DCT: variants seen among roughly 807,000 people sequenced by gnomAD.
DCT encodes the protein dopachrome tautomerase, also known as L-dopachrome tautomerase.
DCT carries 47 observed loss-of-function variants against 53.0 expected under a neutral mutation model. That is an observed-to-expected ratio of 0.89 (90% CI 0.70 to 1.13). The LOEUF (loss-of-function observed/expected upper bound fraction) is 1.13, where lower values mean the gene tolerates loss of function less well. DCT is among the 50% of genes most tolerant of loss of function. DCT has a pLI of 0.00. For synonymous variants in DCT, 244 were observed against 237.0 expected, an observed-to-expected ratio of 1.03 and a Z score of -0.27; for missense variants, 669 against 637.4, an observed-to-expected ratio of 1.05 and a Z score of -0.53.
chr13:94,440,029 T>C lies in DCT; in HGVS notation c.1429A>G (p.Met477Val), dbSNP rs757604536. ...PGWPTTLLVVMGTLVALVGLF... is the reference protein window; with the variant it reads ...PGWPTTLLVVVGTLVALVGLF... ...CCAACCAAAGCCACCAGTGTTCCCA[T>C]GACTACTAAGAGAGTTGTGGGCCAA... is the stretch of plus-strand genomic sequence containing the variant. The change falls in exon 8 of 8, where the codon ATG becomes GTG. Residue 477 changes from methionine to valine, a missense_variant. Coordinates refer to ENST00000377028, the MANE Select transcript of DCT (RefSeq NM_001922.5). 6.2e-7 allele frequency: 1 copy of C among 1,614,074 alleles called. No individual in the cohort carries two copies. The highest frequency in any genetic ancestry group is 1.1e-5 in the South Asian group (1 of 91,080).
intron 3 of DCT, 94 bp downstream of exon 3, chr13:94,466,464 A>G: frequency 1.4e-6 from 1 of 690,686 alleles, no homozygotes; most frequent in Non-Finnish European, 2.4e-6. Context: ...ATGAGTATCA[A>G]GATAAGTATA....
chr13:94,463,271 G>C (rs887072134), intron 4 of DCT, among the ~76,000 whole-genome samples: 2 of 151,320 alleles, frequency 1.3e-5, no homozygotes, highest in Non-Finnish European at 2.9e-5. Context: ...CCAGTAGCTG[G>C]GACTACTGGC....
chr13:94,522,242 A>T, the DCT span, among the ~76,000 whole-genome samples: 1 of 152,178 alleles, frequency 6.6e-6, no homozygotes, highest in Non-Finnish European at 1.5e-5. Context: ...CCCACCCTTA[A>T]TCTGAGTGGG....
the DCT span, among the ~76,000 whole-genome samples, chr13:94,488,825 T>C: frequency 9.6e-5 from 13 of 134,922 alleles, no homozygotes; most frequent in African/African-American, 2.3e-4. Context: ...ACACACCATA[T>C]ATATACATAC....
chr13:94,461,210 T>C (rs998342679), intron 5 of DCT, among the ~76,000 whole-genome samples: 1 of 152,222 alleles, frequency 6.6e-6, no homozygotes, highest in Non-Finnish European at 1.5e-5. Context: ...ACTGGCATCA[T>C]TTGGGATTTG....
the DCT span, among the ~76,000 whole-genome samples, chr13:94,537,142 T>C: frequency 1.3e-5 from 2 of 152,220 alleles, no homozygotes; most frequent in African/African-American, 4.8e-5. Flanking sequence ...GAATTGGTAA[T>C]TGGCGGATCA....
chr13:94,545,049 T>C, the DCT span, among the ~76,000 whole-genome samples: 1 of 152,268 alleles, frequency 6.6e-6, no homozygotes, highest in South Asian at 2.1e-4. Flanking sequence ...TCACCCTTCA[T>C]AGCCTCCTAA....
intron 1 of DCT, among the ~76,000 whole-genome samples, chr13:94,476,024 G>A (rs1367529895): frequency 2.6e-5 from 4 of 152,136 alleles, no homozygotes; most frequent in African/African-American, 4.8e-5. Context: ...GGGCCAGGCC[G>A]GGCCTTGACA....
chr13:94,465,219 T>C (rs1398143608), intron 4 of DCT, among the ~76,000 whole-genome samples: 1 of 152,246 alleles, frequency 6.6e-6, no homozygotes, highest in African/African-American at 2.4e-5. Context: ...CATTCATCTT[T>C]GTATTCCCGG....
In DCT at chr13:94,445,694, T is replaced by C. The variant is rs1304993805; in HGVS notation, c.1180-2057A>G. The stretch of plus-strand genomic sequence containing the variant: ...ACACAACAAAGGAAAAAAACCTGAG[T>C]AGAGCCTCCCAGGCTCATGGTTACC... On this transcript the variant is annotated intron_variant, in intron 6 of 7. Coordinates refer to ENST00000377028, the MANE Select transcript of DCT (RefSeq NM_001922.5). 1.6e-5 allele frequency: 24 copies of C among 1,528,754 alleles called. No individual in the cohort carries two copies. In the Admixed American group the frequency reaches 4.2e-4, roughly 27 times the overall value. The allele number at this position is 1,528,754 out of a possible 1,614,324, so 94.7% of individuals were successfully genotyped here. A position where few individuals can be genotyped will look rare whatever the true frequency, so the allele number is the denominator to read the frequency against.
the DCT span, among the ~76,000 whole-genome samples, chr13:94,532,619 C>T: frequency 3.9e-5 from 6 of 152,086 alleles, no homozygotes; most frequent in Non-Finnish European, 5.9e-5. Context: ...GGGAACATCA[C>T]ACACCAGGGC....
At chr13:94,490,730 C>T in the DCT span, among the ~76,000 whole-genome samples, 7 of 150,710 alleles carry the variant, frequency 4.6e-5, no homozygotes, top group South Asian at 1.5e-3. Context: ...AGACAGCTGC[C>T]TAGTAAATGT....
the DCT span, among the ~76,000 whole-genome samples, chr13:94,531,944 G>GA: frequency 6.0e-5 from 9 of 150,664 alleles, no homozygotes; most frequent in East Asian, 1.9e-4. Context: ...AAATTTACAA[G>GA]AAAAAAAAAT....
In DCT at chr13:94,440,095, G is replaced by T; in HGVS notation, c.1382-19C>A. ...ACTGAAACTAAAGCAGAAGAGAAGG[G>T]TCTACAATCAGGATTTTCATCAGCT... On this transcript the variant is annotated intron_variant, in intron 7 of 7. Coordinates refer to ENST00000377028, the MANE Select transcript of DCT (RefSeq NM_001922.5). The T allele has an allele frequency of 6.3e-7, 1 of 1,599,150 alleles. No homozygotes were observed. Among genetic ancestry groups the T allele is most frequent in the South Asian group, 1.1e-5 (1 of 88,692 alleles).
the DCT span, among the ~76,000 whole-genome samples, chr13:94,487,047 G>A: frequency 2.0e-5 from 3 of 152,172 alleles, no homozygotes. Flanking sequence ...AAGGACATAA[G>A]CTAAGAAGAT....
At chr13:94,516,393 G>A in the DCT span, among the ~76,000 whole-genome samples, 2 of 152,138 alleles carry the variant, frequency 1.3e-5, no homozygotes, top group Non-Finnish European at 2.9e-5. Context: ...AAAGTCACAT[G>A]GTTCAAGCTA....
intron 4 of DCT, among the ~76,000 whole-genome samples, chr13:94,465,145 TAATTTA>T: frequency 2.0e-5 from 3 of 152,336 alleles, no homozygotes; most frequent in Admixed American, 2.0e-4. Flanking sequence ...CACTCAACTG[TAATTTA>T]CTTACAAGAA....
chr13:94,543,136 TG>T, the DCT span, among the ~76,000 whole-genome samples: 1 of 152,176 alleles, frequency 6.6e-6, no homozygotes, highest in African/African-American at 2.4e-5. Flanking sequence ...TGTTTTTGCC[TG>T]ACTAGGGCAC....
the DCT span, among the ~76,000 whole-genome samples, chr13:94,501,960 C>T: frequency 6.6e-6 from 1 of 151,862 alleles, no homozygotes; most frequent in Non-Finnish European, 1.5e-5. Flanking sequence ...GGGTCTCCCA[C>T]TGTTTCCATA....
Sources: gnomAD v4.1 joint callset for allele counts (sites outside exome capture counted in the v4.1 genomes callset) on GRCh38, gnomAD v4.1.1 for gene constraint, MANE v1.5 for transcripts, NCBI Gene and HGNC (gene_info 2026-07-23, HGNC 2026-07-21) for gene names.